GREM1: variants seen among roughly 807,000 people sequenced by gnomAD.
GREM1 encodes gremlin 1, DAN family BMP antagonist.
GREM1 carries 6 observed loss-of-function variants against 13.1 expected under a neutral mutation model. The ratio of observed to expected loss-of-function variants is 0.46; its 90% CI spans 0.25 to 0.91. GREM1 has a LOEUF of 0.91. Among genes scored for constraint, GREM1 ranks in the 40% least tolerant of loss-of-function variants. GREM1 has a pLI of 0.18. For synonymous variants in GREM1, 98 were observed against 93.7 expected, an observed-to-expected ratio of 1.05 and a Z score of -0.27; for missense variants, 185 against 233.9, an observed-to-expected ratio of 0.79 and a Z score of 1.36.
intron 1 of GREM1, among the ~76,000 whole-genome samples, chr15:32,725,629 T>A (rs2055488978): frequency 6.6e-6 from 1 of 152,246 alleles, no homozygotes; most frequent in African/African-American, 2.4e-5. Flanking sequence ...ATGCAGAAGC[T>A]GTTTAGTTTA....
Position 32,734,326 on chromosome 15 carries a change from C to T in GREM1, c.*3081C>T. On this transcript the variant is annotated 3_prime_UTR_variant, in exon 2 of 2. Transcript: ENST00000651154. ...TGATGACTAGTTCACACATAAAGTC[C>T]TTTTAAGGAGAAAATCTAAAATGAA... 1 of 246,098 alleles carries T rather than the reference C, an allele frequency of 4.1e-6. No individual in the cohort carries two copies. The allele number at this position is 246,098 out of a possible 1,614,324, so 15.2% of individuals were successfully genotyped here. A position where few individuals can be genotyped will look rare whatever the true frequency, so the allele number is the denominator to read the frequency against.
In GREM1 at chr15:32,741,830, A is replaced by C. The variant is rs1340346982; in HGVS notation, c.*10585A>C. ...GTTTTTAAAAATATATATGACCTTT[A>C]TTAGGTTGAGGTACTTTTCCTCTAT... On this transcript the variant is annotated 3_prime_UTR_variant, in exon 2 of 2. Transcript: ENST00000651154. The C allele has an allele frequency of 2.0e-5, 3 of 152,080 alleles. No homozygotes were observed. Among genetic ancestry groups the C allele is most frequent in the Admixed American group, 2.0e-4 (3 of 15,278 alleles). 9.4% of individuals were successfully genotyped at this position (152,080 alleles called of 1,614,324 possible). A position where few individuals can be genotyped will look rare whatever the true frequency, so the allele number is the denominator to read the frequency against.
Position 32,730,701 on chromosome 15 carries a change from C to A in GREM1, c.11C>A (p.Thr4Lys), listed in dbSNP as rs761624816. The A allele has an allele frequency of 4.5e-6, 7 of 1,543,356 alleles. No homozygotes were observed. Among genetic ancestry groups the A allele is most frequent in the Non-Finnish European group, 5.2e-6 (6 of 1,149,696 alleles). Residue 4 changes from threonine to lysine, a missense_variant, in exon 2 of 2, where the codon ACA becomes AAA. Physicochemically the swap from Thr to Lys is moderately conservative, Grantham distance 78. Coordinates refer to ENST00000651154, the MANE Select transcript of GREM1 (RefSeq NM_013372.7). ...CTTCCTTTCTTTAGTATGAGCCGCACAGCCTACACGGTGGGAGCCCTGCTT... is the reference window on the plus strand; with the variant it reads ...CTTCCTTTCTTTAGTATGAGCCGCAAAGCCTACACGGTGGGAGCCCTGCTT... MSRTAYTVGALLLL... is the reference protein window; with the variant it reads MSRKAYTVGALLLL...
intron 1 of GREM1, chr15:32,718,796 G>A: frequency 3.5e-6 from 1 of 289,536 alleles, no homozygotes. Flanking sequence ...GCGGGGCGCG[G>A]CCCTGGCCGC....
intron 1 of GREM1, among the ~76,000 whole-genome samples, chr15:32,725,145 A>C (rs946724520): frequency 6.6e-6 from 1 of 152,160 alleles, no homozygotes; most frequent in Non-Finnish European, 1.5e-5. Flanking sequence ...CTTTAGGTCT[A>C]TACCCAGTAA....
In GREM1 at chr15:32,731,928, G is replaced by T. The variant is rs1438343783; in HGVS notation, c.*683G>T. ...GAGGGTGGAGGGTGAGGCCAAATCAGGTCCAGCAAAAGTCAGTAGGGACAT... is the reference window on the plus strand; with the variant it reads ...GAGGGTGGAGGGTGAGGCCAAATCATGTCCAGCAAAAGTCAGTAGGGACAT... On this transcript the variant is annotated 3_prime_UTR_variant, in exon 2 of 2. Coordinates refer to ENST00000651154, the MANE Select transcript of GREM1 (RefSeq NM_013372.7). The T allele has an allele frequency of 4.3e-6, 1 of 232,934 alleles. No individual in the cohort carries two copies. Among genetic ancestry groups the T allele is most frequent in the Non-Finnish European group, 9.2e-6 (1 of 108,594 alleles). The allele number at this position is 232,934 out of a possible 1,614,324, so 14.4% of individuals were successfully genotyped here. A position where few individuals can be genotyped will look rare whatever the true frequency, so the allele number is the denominator to read the frequency against.
chr15:32,719,667 C>G (rs543316767), intron 1 of GREM1, among the ~76,000 whole-genome samples: 13 of 152,118 alleles, frequency 8.5e-5, no homozygotes, highest in Non-Finnish European at 1.5e-4. Context: ...TGCCAGGACA[C>G]GAACTGATTA....
At position 32,733,731 on chromosome 15, in the gene GREM1, T is replaced by C. The variant is rs1271905774; in HGVS notation, c.*2486T>C. ...ATGTAATGATATATTTTTTCATTATTATAGTAGAATATTTTTATGGCAAGA... is the reference window on the plus strand; with the variant it reads ...ATGTAATGATATATTTTTTCATTATCATAGTAGAATATTTTTATGGCAAGA... On this transcript the variant is annotated 3_prime_UTR_variant, in exon 2 of 2. Transcript: ENST00000651154. 1 of 230,818 alleles carries C rather than the reference T, an allele frequency of 4.3e-6. No individual in the cohort carries two copies. The highest frequency in any genetic ancestry group is 2.2e-5 in the African/African-American group (1 of 44,454). The allele number at this position is 230,818 out of a possible 1,614,324, so 14.3% of individuals were successfully genotyped here.
rs989655280 is a variant in GREM1, at chr15:32,731,568, T to A, written c.*323T>A. 9 of 374,086 alleles carry A rather than the reference T, an allele frequency of 2.4e-5. No homozygotes were observed. The highest frequency in any genetic ancestry group is 4.5e-5 in the Non-Finnish European group (9 of 199,724). The allele number at this position is 374,086 out of a possible 1,614,324, so 23.2% of individuals were successfully genotyped here. A position where few individuals can be genotyped will look rare whatever the true frequency, so the allele number is the denominator to read the frequency against. On this transcript the variant is annotated 3_prime_UTR_variant, in exon 2 of 2. Transcript: ENST00000651154. ...GGCGGGGCCGTGGTCTGGTTCTGACTTTGTGTTTTTGTGCCCTCCTGGGGA... is the reference window on the plus strand; with the variant it reads ...GGCGGGGCCGTGGTCTGGTTCTGACATTGTGTTTTTGTGCCCTCCTGGGGA...
intron 1 of GREM1, among the ~76,000 whole-genome samples, chr15:32,721,529 G>A (rs987353136): frequency 2.0e-5 from 3 of 152,164 alleles, no homozygotes; most frequent in Non-Finnish European, 4.4e-5. Flanking sequence ...ACTGAGGCAG[G>A]CGGATCACGA....
intron 1 of GREM1, among the ~76,000 whole-genome samples, chr15:32,724,215 T>C (rs2055458437): frequency 6.6e-6 from 1 of 152,204 alleles, no homozygotes; most frequent in South Asian, 2.1e-4. Flanking sequence ...AGAAATAAAA[T>C]TGCATTTTTC....
Position 32,718,084 on chromosome 15 carries a change from C to A in GREM1, c.-79C>A, listed in dbSNP as rs1037754283. ...TCGGTCCCGCTGACCCCGCGCCGAG[C>A]CCCGGCGGCTCTGGCCGCGGCCGCA... On this transcript the variant is annotated 5_prime_UTR_variant, in exon 1 of 2. Transcript: ENST00000651154. The A allele has an allele frequency of 8.2e-7, 1 of 1,220,554 alleles. No homozygotes were observed. The highest frequency in any genetic ancestry group is 1.0e-6 in the Non-Finnish European group (1 of 967,452). The allele number at this position is 1,220,554 out of a possible 1,614,324, so 75.6% of individuals were successfully genotyped here. A position where few individuals can be genotyped will look rare whatever the true frequency, so the allele number is the denominator to read the frequency against.
At chr15:32,720,078 CGTGT>C (rs370172363) in intron 1 of GREM1, among the ~76,000 whole-genome samples, 1 of 150,864 alleles carries the variant, frequency 6.6e-6, no homozygotes, top group African/African-American at 2.4e-5. Flanking sequence ...AGTATGTGTG[CGTGT>C]GTGTGTGTGT....
At chr15:32,726,875 A>G (rs886682146) in intron 1 of GREM1, among the ~76,000 whole-genome samples, 1 of 152,176 alleles carries the variant, frequency 6.6e-6, no homozygotes, top group Admixed American at 6.5e-5. Flanking sequence ...GAATACTATA[A>G]ACACCTCTAC....
At position 32,738,125 on chromosome 15, in the gene GREM1, A is replaced by AAAAAAAAAAAAAAAAAAACCAAAC; in HGVS notation, c.*6888_*6889insAAAAAAAAAACCAAACAAAAAAAA. ...AAAAAAAAAAAAAAAAAAAAAAAAA[A>AAAAAAAAAAAAAAAAAAACCAAAC]AAAAAAAAGAAAAGAAAAAAGTCAT... On this transcript the variant is annotated 3_prime_UTR_variant, in exon 2 of 2. Coordinates refer to ENST00000651154, the MANE Select transcript of GREM1 (RefSeq NM_013372.7). The AAAAAAAAAAAAAAAAAAACCAAAC allele has an allele frequency of 1.4e-4, 4 of 27,966 alleles. 2 individuals are homozygous for AAAAAAAAAAAAAAAAAAACCAAAC. Among genetic ancestry groups the AAAAAAAAAAAAAAAAAAACCAAAC allele is most frequent in the African/African-American group, 6.1e-4 (4 of 6,582 alleles). The allele number at this position is 27,966 out of a possible 1,614,324, so 1.7% of individuals were successfully genotyped here.
intron 1 of GREM1, among the ~76,000 whole-genome samples, chr15:32,719,305 G>A (rs1294910965): frequency 2.6e-5 from 4 of 152,244 alleles, no homozygotes; most frequent in African/African-American, 9.6e-5. Context: ...CTCCTTGGGG[G>A]TGCCCCAGCT....
In GREM1 at chr15:32,738,119, A is replaced by AC. The variant is rs2055725104; in HGVS notation, c.*6874_*6875insC. On this transcript the variant is annotated 3_prime_UTR_variant, in exon 2 of 2. Transcript: ENST00000651154. ...AAAAAAAAAAAAAAAAAAAAAAAAA[A>AC]AAAAAAAAAAAAAAGAAAAGAAAAA... 1.2e-4 allele frequency: 16 copies of AC among 131,878 alleles called. No individual in the cohort carries two copies. In the East Asian group the frequency reaches 1.7e-3, roughly 14 times the overall value. The allele number at this position is 131,878 out of a possible 1,614,324, so 8.2% of individuals were successfully genotyped here. A position where few individuals can be genotyped will look rare whatever the true frequency, so the allele number is the denominator to read the frequency against.
At position 32,734,530 on chromosome 15, in the gene GREM1, A is replaced by C. The variant is rs2055672144; in HGVS notation, c.*3285A>C. The C allele has an allele frequency of 4.0e-6, 1 of 247,120 alleles. No homozygotes were observed. The highest frequency in any genetic ancestry group is 2.2e-5 in the African/African-American group (1 of 45,316). 15.3% of individuals were successfully genotyped at this position (247,120 alleles called of 1,614,324 possible). On this transcript the variant is annotated 3_prime_UTR_variant, in exon 2 of 2. Transcript: ENST00000651154. ...GGTACCTTGCTGTGTAGGAGGATGAAAGGGGAGTTGATAGTCTCATAAAAC... is the reference window on the plus strand; with the variant it reads ...GGTACCTTGCTGTGTAGGAGGATGACAGGGGAGTTGATAGTCTCATAAAAC...
In GREM1 at chr15:32,738,266, T is replaced by C. The variant is rs2055730647; in HGVS notation, c.*7021T>C. 6.6e-6 allele frequency: 1 copy of C among 151,898 alleles called. No individual in the cohort carries two copies. The highest frequency in any genetic ancestry group is 2.4e-5 in the African/African-American group (1 of 41,380). 9.4% of individuals were successfully genotyped at this position (151,898 alleles called of 1,614,324 possible). A position where few individuals can be genotyped will look rare whatever the true frequency, so the allele number is the denominator to read the frequency against. ...GAGCTAATACATGATTTCAGCAAGG[T>C]TGCAGGATACAAGATCAACATACAG... On this transcript the variant is annotated 3_prime_UTR_variant, in exon 2 of 2. Transcript: ENST00000651154.
Sources: allele counts gnomAD v4.1 joint callset (sites outside exome capture counted in the v4.1 genomes callset), GRCh38; gene constraint gnomAD v4.1.1; transcripts MANE v1.5; gene names NCBI Gene and HGNC (gene_info 2026-07-23, HGNC 2026-07-21).